The following NR6A1 variants were observed in gnomAD, a reference collection of about 807,000 sequenced individuals.
NR6A1 encodes the protein retinoic acid receptor-related testis-associated receptor.
Under a neutral mutation model 59.1 loss-of-function variants are expected in NR6A1, and 7 were observed. The ratio of observed to expected loss-of-function variants is 0.12; its 90% CI spans 0.07 to 0.22. The LOEUF (loss-of-function observed/expected upper bound fraction) is 0.22, where lower values mean the gene tolerates loss of function less well. NR6A1 is among the 10% of genes least tolerant of loss of function. NR6A1 has a pLI of 1.00. For missense variants in NR6A1, 468 were observed against 611.6 expected (o/e 0.77, Z 2.48); for synonymous variants, 243 against 236.1 (o/e 1.03, Z -0.27).
At chr9:124,662,109 G>C (rs1837457024) in intron 2 of NR6A1, among the ~76,000 whole-genome samples, 1 of 152,094 alleles carries the variant, frequency 6.6e-6, no homozygotes, top group Admixed American at 6.5e-5. Flanking sequence ...TGAGAAAAGA[G>C]GTCCAGGTCC....
chr9:124,699,332 A>G (rs1243939691), intron 2 of NR6A1, among the ~76,000 whole-genome samples: 1 of 152,210 alleles, frequency 6.6e-6, no homozygotes, highest in Admixed American at 6.5e-5. Context: ...GGGTTAAAAG[A>G]AGGCCTTTTC....
chr9:124,546,901 G>GA (rs767587225), intron 3 of NR6A1, among the ~76,000 whole-genome samples: 1 of 152,216 alleles, frequency 6.6e-6, no homozygotes, highest in African/African-American at 2.4e-5. Context: ...TTGAGATGAG[G>GA]AAACAGAGCT....
intron 2 of NR6A1, among the ~76,000 whole-genome samples, chr9:124,666,861 CCT>C (rs1293563261): frequency 6.6e-6 from 1 of 152,060 alleles, no homozygotes; most frequent in Non-Finnish European, 1.5e-5. Flanking sequence ...GTGAAATGTG[CCT>C]CTCTGAATCT....
intron 2 of NR6A1, among the ~76,000 whole-genome samples, chr9:124,601,606 AAAAAGAAAAG>A (rs200324904): frequency 0.023 from 3,418 of 149,064 alleles, 53 homozygotes; most frequent in Non-Finnish European, 0.037. Context: ...AAAAGAAAGA[AAAAAGAAAAG>A]AAAAGAAAAA....
chr9:124,680,150 G>T (rs75540334), intron 2 of NR6A1, among the ~76,000 whole-genome samples: 17 of 151,938 alleles, frequency 1.1e-4, no homozygotes, highest in Non-Finnish European at 2.5e-4. Context: ...ATCGTGATGT[G>T]TGACATTGAA....
chr9:124,771,066 C>G lies in NR6A1; in HGVS notation c.54G>C (p.Ala18=). 3.3e-6 allele frequency: 4 copies of G among 1,230,632 alleles called. No individual in the cohort carries two copies. The highest frequency in any genetic ancestry group is 3.2e-5 in the East Asian group (1 of 31,602). The allele number at this position is 1,230,632 out of a possible 1,614,324, so 76.2% of individuals were successfully genotyped here. A position where few individuals can be genotyped will look rare whatever the true frequency, so the allele number is the denominator to read the frequency against. The change falls in exon 1 of 10, where the codon GCG becomes GCC. Residue 18 remains alanine, a synonymous_variant. Transcript: ENST00000487099. ...PSGGGGGGGS[A]GFLEPPAALP... is the part of the protein sequence containing the mutation. ...GCGCGGCGGGAGGCTCCAGGAACCC[C>G]GCCGAGCCCCCGCCGCCTCCCCCTC...
chr9:124,604,800 C>T (rs907417888), intron 2 of NR6A1, among the ~76,000 whole-genome samples: 1 of 150,776 alleles, frequency 6.6e-6, no homozygotes, highest in Non-Finnish European at 1.5e-5. Flanking sequence ...AGTGACAGAG[C>T]AAGACCCTGT....
chr9:124,521,537 T>C lies in NR6A1; in HGVS notation c.*1168A>G, dbSNP rs1036965767. 1 of 152,288 alleles carries C rather than the reference T, an allele frequency of 6.6e-6. No homozygotes were observed. The highest frequency in any genetic ancestry group is 1.5e-5 in the Non-Finnish European group (1 of 68,134). 9.4% of individuals were successfully genotyped at this position (152,288 alleles called of 1,614,324 possible). ...TTGGAGAAGAACTTAGGGGCAACAT[T>C]TCTGGTCAGCAGACAGGTGAATGGT... is the stretch of plus-strand genomic sequence containing the variant. On this transcript the variant is annotated 3_prime_UTR_variant, in exon 10 of 10. Transcript: ENST00000487099.
At chr9:124,595,274 T>C (rs530297181) in intron 2 of NR6A1, among the ~76,000 whole-genome samples, 7 of 152,328 alleles carry the variant, frequency 4.6e-5, no homozygotes, top group African/African-American at 1.4e-4. Context: ...CTGTAAAGTA[T>C]AGAAGCTCCC....
chr9:124,618,327 C>CA (rs1835959932), intron 2 of NR6A1, among the ~76,000 whole-genome samples: 1 of 151,784 alleles, frequency 6.6e-6, no homozygotes, highest in South Asian at 2.1e-4. Flanking sequence ...ACTAAAAATG[C>CA]AAAAAATTAG....
chr9:124,621,014 T>C (rs1836052256), intron 2 of NR6A1, among the ~76,000 whole-genome samples: 1 of 152,140 alleles, frequency 6.6e-6, no homozygotes, highest in East Asian at 1.9e-4. Context: ...CAGCTACTGC[T>C]AGCAAATAAA....
rs1336963274 is a variant in NR6A1 at position 124,521,035 on chromosome 9, T to C, written c.*1670A>G. On this transcript the variant is annotated 3_prime_UTR_variant, in exon 10 of 10. Transcript: ENST00000487099. The stretch of plus-strand genomic sequence containing the variant: ...GACGTGGTGCCCTCCTGGGTAGCTT[T>C]ACTAGGTTGAGTTGAGGAGACAGCA... 1 of 152,250 alleles carries C rather than the reference T, an allele frequency of 6.6e-6. No individual in the cohort carries two copies. The highest frequency in any genetic ancestry group is 1.5e-5 in the Non-Finnish European group (1 of 68,042). 9.4% of individuals were successfully genotyped at this position (152,250 alleles called of 1,614,324 possible).
chr9:124,771,026 G>C lies in NR6A1; in HGVS notation c.94C>G (p.Arg32Gly). The change falls in exon 1 of 10, where the codon CGC becomes GGC. Residue 32 changes from arginine (R) to glycine (G), a missense_variant. Transcript: ENST00000487099. The stretch of plus-strand genomic sequence containing the variant: ...TCGCAGGCCCCTCACCCACCGTTGC[G>C]CGGCGGCGGAGGGAGCGCGGCGGGA... The part of the protein sequence containing the change: ...EPPAALPPPP[R>G]NGFCQDELAE... The C allele has an allele frequency of 1.6e-6, 2 of 1,229,076 alleles. No homozygotes were observed. The allele number at this position is 1,229,076 out of a possible 1,614,324, so 76.1% of individuals were successfully genotyped here. A position where few individuals can be genotyped will look rare whatever the true frequency, so the allele number is the denominator to read the frequency against.
At chr9:124,685,073 C>T (rs1277046435) in intron 2 of NR6A1, among the ~76,000 whole-genome samples, 1 of 152,104 alleles carries the variant, frequency 6.6e-6, no homozygotes, top group Non-Finnish European at 1.5e-5. Context: ...TCAAAGATTT[C>T]AATTCTGACC....
rs780925768 is a variant in NR6A1, at chr9:124,553,549, C to CTTTTTTTTTTTTTTTT, written c.385+763_385+778dup. 2.5e-3 allele frequency among the ~76,000 whole-genome samples: 116 copies of CTTTTTTTTTTTTTTTT among 47,306 alleles called. 6 individuals are homozygous for CTTTTTTTTTTTTTTTT. The highest frequency in any genetic ancestry group is 2.8e-3 in the Non-Finnish European group (70 of 24,996). 31.0% of individuals were successfully genotyped at this position (47,306 alleles called of 152,430 possible). A position where few individuals can be genotyped will look rare whatever the true frequency, so the allele number is the denominator to read the frequency against. ...GAAATCACCCTGCTTTTTAGCTTGA[C>CTTTTTTTTTTTTTTTT]TTTTTTTTTTTTTTTTTTTTTTTTT... On this transcript the variant is annotated intron_variant, in intron 3 of 9. Coordinates refer to ENST00000487099, the MANE Select transcript of NR6A1 (RefSeq NM_033334.4).
chr9:124,643,633 C>A (rs1588736245), intron 2 of NR6A1, among the ~76,000 whole-genome samples: 1 of 146,526 alleles, frequency 6.8e-6, no homozygotes, highest in African/African-American at 2.5e-5. Flanking sequence ...TGTGGTGGTA[C>A]ACATCTGTTA....
At chr9:124,535,556 C>T (rs149657184) in intron 7 of NR6A1, among the ~76,000 whole-genome samples, 7 of 152,066 alleles carry the variant, frequency 4.6e-5, no homozygotes, top group East Asian at 1.9e-4. Flanking sequence ...CCAGCCTGGG[C>T]GACAGAATGA....
chr9:124,764,516 G>A (rs1426671023), intron 1 of NR6A1, among the ~76,000 whole-genome samples: 1 of 152,084 alleles, frequency 6.6e-6, no homozygotes, highest in Non-Finnish European at 1.5e-5. Flanking sequence ...AATGTAAGGA[G>A]GAACTGGAAA....
At chr9:124,599,610 G>A (rs983702406) in intron 2 of NR6A1, 162 of 1,177,254 alleles carry the variant, frequency 1.4e-4, no homozygotes, top group Non-Finnish European at 1.7e-4. Context: ...CCGCTCGGCT[G>A]AGTCGGTCGT....
Sources: gnomAD v4.1 joint callset for allele counts (sites outside exome capture counted in the v4.1 genomes callset) on GRCh38, gnomAD v4.1.1 for gene constraint, MANE v1.5 for transcripts, NCBI Gene and HGNC (gene_info 2026-07-23, HGNC 2026-07-21) for gene names.